The following CTNNA2 variants were observed in gnomAD, a reference collection of about 807,000 sequenced individuals.
CTNNA2 encodes the protein catenin alpha-2.
A neutral mutation model predicts 101.0 loss-of-function variants in CTNNA2; 42 were observed. The ratio of observed to expected loss-of-function variants is 0.42; its 90% CI spans 0.32 to 0.54. The LOEUF (loss-of-function observed/expected upper bound fraction) is 0.54, where lower values mean the gene tolerates loss of function less well. Ranked by LOEUF, CTNNA2 falls within the 20% of genes least tolerant of loss-of-function variation. The pLI is 0.14. For synonymous variants in CTNNA2, 450 were observed against 456.4 expected, an observed-to-expected ratio of 0.99 and a Z score of 0.18; for missense variants, 871 against 1,223.1, an observed-to-expected ratio of 0.71 and a Z score of 4.29.
chr2:79,644,794 C>G (rs908857054), intron 1 of CTNNA2, among the ~76,000 whole-genome samples: 1 of 152,142 alleles, frequency 6.6e-6, no homozygotes, highest in African/African-American at 2.4e-5. Flanking sequence ...TTGCCTGTTC[C>G]TCTCTCATTC....
chr2:79,493,010 T>C (rs576060447), intron 4 of CTNNA2, among the ~76,000 whole-genome samples: 3 of 152,268 alleles, frequency 2.0e-5, no homozygotes, highest in Middle Eastern at 3.4e-3. Flanking sequence ...AATCAAATGC[T>C]CTGTCATTAT....
rs1677594345 is a variant in CTNNA2 at position 79,602,152 on chromosome 2, C to T, written c.-5-49400C>T. ...AGTTGAACCATCCTAAGCCAGAGAC[C>T]ATCTAGAGTTATAGGTACAGAAAAT... On this transcript the variant is annotated intron_variant, in intron 1 of 18. Coordinates refer to ENST00000402739, the MANE Select transcript of CTNNA2 (RefSeq NM_001282597.3). 4.6e-5 allele frequency among the ~76,000 whole-genome samples: 7 copies of T among 152,218 alleles called. No homozygotes were observed. The South Asian group carries it at 1.5e-3, about 32-fold the overall frequency.
intron 9 of CTNNA2, among the ~76,000 whole-genome samples, chr2:80,528,223 T>C (rs1049366344): frequency 6.6e-6 from 1 of 152,084 alleles, no homozygotes; most frequent in Admixed American, 6.6e-5. Flanking sequence ...TGAGATGGAG[T>C]CTCGCTCAGT....
At chr2:80,227,010 A>C (rs1708924774) in intron 7 of CTNNA2, among the ~76,000 whole-genome samples, 2 of 152,230 alleles carry the variant, frequency 1.3e-5, no homozygotes, top group Non-Finnish European at 2.9e-5. Context: ...CAACAGCTTT[A>C]GGATATATCA....
intron 3 of CTNNA2, among the ~76,000 whole-genome samples, chr2:79,756,790 A>G (rs1357865598): frequency 1.3e-5 from 2 of 152,214 alleles, no homozygotes; most frequent in Non-Finnish European, 2.9e-5. Context: ...CAAGGAAGAC[A>G]TGCAGATGGC....
rs538581126 is a variant in CTNNA2, at chr2:80,305,182, GT to G, written c.1057-88023del. 2.6e-5 allele frequency: 26 copies of G among 985,358 alleles called. No individual in the cohort carries two copies. In the South Asian group the frequency reaches 3.8e-4, roughly 14 times the overall value. The allele number at this position is 985,358 out of a possible 1,614,324, so 61.0% of individuals were successfully genotyped here. On this transcript the variant is annotated intron_variant, in intron 7 of 18. Coordinates refer to ENST00000402739, the MANE Select transcript of CTNNA2 (RefSeq NM_001282597.3). Reference sequence around the variant, plus strand: ...TTGGGGCTTGGCTAAGATTTTTGGGGTTTTTTCCCCCTCTTGCGGGTACTGG... The same window carrying G: ...TTGGGGCTTGGCTAAGATTTTTGGGGTTTTTCCCCCTCTTGCGGGTACTGG...
chr2:79,534,807 T>A (rs1264691624), intron 1 of CTNNA2, among the ~76,000 whole-genome samples: 1 of 152,024 alleles, frequency 6.6e-6, no homozygotes, highest in African/African-American at 2.4e-5. Flanking sequence ...GATTATTGGC[T>A]TCCCTTTCAA....
chr2:79,303,488 G>A (rs942814665), intron 2 of CTNNA2, among the ~76,000 whole-genome samples: 1 of 152,090 alleles, frequency 6.6e-6, no homozygotes, highest in Non-Finnish European at 1.5e-5. Context: ...GTGTCTTTCA[G>A]GGTGCACTTC....
At chr2:79,892,063 C>G (rs988274775) in intron 6 of CTNNA2, among the ~76,000 whole-genome samples, 1 of 151,962 alleles carries the variant, frequency 6.6e-6, no homozygotes, top group Non-Finnish European at 1.5e-5. Context: ...ATTGGCTTGT[C>G]ATTTGTATAC....
chr2:80,298,065 G>T (rs1294582693), intron 7 of CTNNA2: 1 of 146,266 alleles, frequency 6.8e-6, no homozygotes, highest in African/African-American at 2.7e-5. Context: ...ACACACACAT[G>T]TGTGCATATT....
At chr2:80,101,337 A>G (rs917296608) in intron 7 of CTNNA2, among the ~76,000 whole-genome samples, 5 of 152,216 alleles carry the variant, frequency 3.3e-5, no homozygotes, top group African/African-American at 1.2e-4. Flanking sequence ...AGCCAAATTG[A>G]TAACATTGAA....
chr2:80,609,163 AAGTG>A (rs1210552909), intron 17 of CTNNA2, among the ~76,000 whole-genome samples: 3 of 151,770 alleles, frequency 2.0e-5, no homozygotes, highest in Non-Finnish European at 4.4e-5. Flanking sequence ...CTACCATTTC[AAGTG>A]AGTAATTACC....
intron 3 of CTNNA2, among the ~76,000 whole-genome samples, chr2:79,769,727 AT>A (rs1673435420): frequency 6.6e-6 from 1 of 152,190 alleles, no homozygotes; most frequent in Non-Finnish European, 1.5e-5. Context: ...TACAGAAAGA[AT>A]TCAATTTGAA....
At chr2:79,973,689 A>G (rs1300903331) in intron 7 of CTNNA2, among the ~76,000 whole-genome samples, 2 of 152,194 alleles carry the variant, frequency 1.3e-5, no homozygotes, top group Non-Finnish European at 2.9e-5. Flanking sequence ...ATAGTAAACT[A>G]TGTATGTATT....
At chr2:80,033,259 G>A (rs766255003) in intron 7 of CTNNA2, among the ~76,000 whole-genome samples, 3 of 151,724 alleles carry the variant, frequency 2.0e-5, no homozygotes, top group Non-Finnish European at 2.9e-5. Flanking sequence ...TATGTAAAAT[G>A]GTGTCAGTTA....
chr2:79,228,763 C>T (rs1230372535), intron 2 of CTNNA2, among the ~76,000 whole-genome samples: 9 of 151,706 alleles, frequency 5.9e-5, no homozygotes, highest in African/African-American at 2.2e-4. Context: ...GAATTAGGTT[C>T]CACTTATCAA....
intron 1 of CTNNA2, among the ~76,000 whole-genome samples, chr2:79,619,200 C>T (rs754210066): frequency 3.8e-4 from 58 of 152,146 alleles, no homozygotes; most frequent in Non-Finnish European, 7.5e-4. Context: ...AGTGAGACTC[C>T]GTCTCAAACA....
intron 7 of CTNNA2, among the ~76,000 whole-genome samples, chr2:80,142,388 T>C (rs954788327): frequency 6.6e-6 from 1 of 152,136 alleles, no homozygotes; most frequent in Non-Finnish European, 1.5e-5. Context: ...TTTGCCGCAC[T>C]GAGTGAGCAG....
intron 2 of CTNNA2, among the ~76,000 whole-genome samples, chr2:79,706,746 C>T (rs575558518): frequency 3.3e-5 from 5 of 152,136 alleles, no homozygotes; most frequent in Middle Eastern, 3.4e-3. Flanking sequence ...TGGGCAGGCA[C>T]CCAGGTCATA....
Sources: allele counts gnomAD v4.1 joint callset (sites outside exome capture counted in the v4.1 genomes callset), GRCh38; gene constraint gnomAD v4.1.1; transcripts MANE v1.5; gene names NCBI Gene and HGNC (gene_info 2026-07-23, HGNC 2026-07-21).